Variants in TMEM132B observed in about 807,000 individuals in gnomAD.
The protein encoded by TMEM132B is transmembrane protein 132B.
In TMEM132B, 18 loss-of-function variants were observed where a neutral mutation model predicts 90.8. That is an observed-to-expected ratio of 0.20 (90% CI 0.14 to 0.29). The LOEUF (loss-of-function observed/expected upper bound fraction) is 0.29. Among genes scored for constraint, TMEM132B ranks in the 10% least tolerant of loss-of-function variants. The pLI is 1.00. For missense variants in TMEM132B, 1,096 were observed against 1,326.8 expected, an observed-to-expected ratio of 0.83 and a Z score of 2.70; for synonymous variants, 504 against 523.3, an observed-to-expected ratio of 0.96 and a Z score of 0.50.
At chr12:125,307,742 A>ACAAG (rs1267140716) in intron 1 of TMEM132B, among the ~76,000 whole-genome samples, 1 of 145,964 alleles carries the variant, frequency 6.9e-6, no homozygotes, top group Non-Finnish European at 1.5e-5. Context: ...TACTTGTAAT[A>ACAAG]TAAGTATATA....
intron 1 of TMEM132B, among the ~76,000 whole-genome samples, chr12:125,328,802 C>T (rs903092289): frequency 2.0e-5 from 3 of 152,170 alleles, no homozygotes; most frequent in East Asian, 1.9e-4. Context: ...CCCTCAAGAC[C>T]GCACTGGGGC....
At chr12:125,344,118 G>A (rs989328289) in intron 1 of TMEM132B, among the ~76,000 whole-genome samples, 7 of 152,174 alleles carry the variant, frequency 4.6e-5, no homozygotes, top group Non-Finnish European at 8.8e-5. Flanking sequence ...AGACAGAATG[G>A]ATAGTAAACA....
chr12:125,353,153 A>T (rs1326576895), intron 2 of TMEM132B, among the ~76,000 whole-genome samples: 1 of 152,060 alleles, frequency 6.6e-6, no homozygotes, highest in Non-Finnish European at 1.5e-5. Flanking sequence ...CATGGCAGAC[A>T]TTACCAATCA....
intron 1 of TMEM132B, among the ~76,000 whole-genome samples, chr12:125,237,200 G>A (rs1409480025): frequency 2.6e-5 from 4 of 152,182 alleles, no homozygotes; most frequent in Non-Finnish European, 5.9e-5. Context: ...GGTGTTCCAG[G>A]TAGGAGGTTG....
intron 3 of TMEM132B, among the ~76,000 whole-genome samples, chr12:125,455,240 G>T (rs1881261825): frequency 6.6e-6 from 1 of 151,968 alleles, no homozygotes; most frequent in Non-Finnish European, 1.5e-5. Context: ...GAGAGGAGAG[G>T]GAAGGAGAAG....
intron 4 of TMEM132B, among the ~76,000 whole-genome samples, chr12:125,553,063 T>C (rs966631324): frequency 2.6e-5 from 4 of 152,264 alleles, no homozygotes; most frequent in Non-Finnish European, 5.9e-5. Flanking sequence ...AGGATTTTAC[T>C]AGGACAGTTG....
At chr12:125,290,996 C>G (rs1326458421) in intron 1 of TMEM132B, among the ~76,000 whole-genome samples, 1 of 148,396 alleles carries the variant, frequency 6.7e-6, no homozygotes, top group Non-Finnish European at 1.5e-5. Context: ...AATTGTGTCT[C>G]CATACCACTT....
At chr12:125,651,787 A>G (rs1251775472) in intron 7 of TMEM132B, among the ~76,000 whole-genome samples, 1 of 152,138 alleles carries the variant, frequency 6.6e-6, no homozygotes, top group Non-Finnish European at 1.5e-5. Context: ...TTGGCTTCCA[A>G]GCTCCTTCAG....
chr12:125,353,639 A>G (rs1377081692), intron 2 of TMEM132B, among the ~76,000 whole-genome samples: 1 of 152,202 alleles, frequency 6.6e-6, no homozygotes, highest in Non-Finnish European at 1.5e-5. Context: ...TGAGGCACAG[A>G]GAAGTCAAGT....
intron 2 of TMEM132B, among the ~76,000 whole-genome samples, chr12:125,355,834 A>G (rs1197062428): frequency 6.6e-6 from 1 of 152,194 alleles, no homozygotes. Context: ...TCCACGTGCC[A>G]TGCTGCTATT....
At chr12:125,412,595 C>T (rs905103680) in intron 2 of TMEM132B, among the ~76,000 whole-genome samples, 3 of 152,146 alleles carry the variant, frequency 2.0e-5, no homozygotes, top group African/African-American at 7.2e-5. Context: ...ATTTGTTCAT[C>T]TGGATGTTGA....
At chr12:125,222,551 T>G (rs1250875524) in intron 1 of TMEM132B, among the ~76,000 whole-genome samples, 1 of 152,214 alleles carries the variant, frequency 6.6e-6, no homozygotes, top group African/African-American at 2.4e-5. Context: ...TGGAACTGCT[T>G]CAGGTATTTG....
At chr12:125,312,327 T>C (rs1876143193) in intron 1 of TMEM132B, among the ~76,000 whole-genome samples, 1 of 152,250 alleles carries the variant, frequency 6.6e-6, no homozygotes, top group African/African-American at 2.4e-5. Flanking sequence ...GTCCTTTTGA[T>C]GCATCCCCAT....
intron 5 of TMEM132B, among the ~76,000 whole-genome samples, chr12:125,596,304 C>G (rs931428208): frequency 2.6e-5 from 4 of 152,168 alleles, no homozygotes; most frequent in Admixed American, 1.3e-4. Context: ...AGGGGGTAGA[C>G]GAAGTGGATT....
Position 125,597,803 on chromosome 12 carries a change from C to T in TMEM132B, c.1437+13809C>T, listed in dbSNP as rs1166908780. ...ATGTCACAGTGGCCTCTTCAGATAA[C>T]AGAAATATTTTCTCCATTGCTAAAG... On this transcript the variant is annotated intron_variant, in intron 5 of 8. Coordinates refer to ENST00000682704, the MANE Select transcript of TMEM132B (RefSeq NM_001366854.1). 2.0e-5 allele frequency among the ~76,000 whole-genome samples: 3 copies of T among 152,132 alleles called. No homozygotes were observed. In the East Asian group the frequency reaches 5.8e-4, roughly 29 times the overall value.
At chr12:125,625,993 G>T (rs1351335707) in intron 5 of TMEM132B, among the ~76,000 whole-genome samples, 2 of 151,992 alleles carry the variant, frequency 1.3e-5, no homozygotes, top group East Asian at 3.8e-4. Flanking sequence ...AGTAAAATAT[G>T]GTTGTGCTAT....
At chr12:125,418,363 T>A (rs1880080018) in intron 3 of TMEM132B, among the ~76,000 whole-genome samples, 4 of 152,100 alleles carry the variant, frequency 2.6e-5, no homozygotes. Flanking sequence ...AGAAAAAGTG[T>A]CCTCTTTCTC....
chr12:125,350,317 C>T lies in TMEM132B; in HGVS notation c.933C>T (p.Ser311=), dbSNP rs372928314. 1.7e-5 allele frequency: 28 copies of T among 1,613,156 alleles called. No individual in the cohort carries two copies. The African/African-American group carries it at 1.9e-4, about 11-fold the overall frequency. Residue 311 remains serine, a synonymous_variant, in exon 2 of 9, where the codon AGC becomes AGT. Coordinates refer to ENST00000682704, the MANE Select transcript of TMEM132B (RefSeq NM_001366854.1). ...CCTTTTTGGTCTCTCTGACCAGTAG[C>T]TCTGTGGCAGACCAGTTCACTCTTA... The part of the protein sequence containing the change: ...TATFLVSLTS[S]SVADQFTLRI...
intron 1 of TMEM132B, among the ~76,000 whole-genome samples, chr12:125,214,970 G>A (rs1335761524): frequency 1.3e-5 from 2 of 152,186 alleles, no homozygotes; most frequent in Non-Finnish European, 2.9e-5. Flanking sequence ...CTGTTCTAAT[G>A]AGGAAGCCTC....
Sources: allele counts gnomAD v4.1 joint callset (sites outside exome capture counted in the v4.1 genomes callset), GRCh38; gene constraint gnomAD v4.1.1; transcripts MANE v1.5; gene names NCBI Gene and HGNC (gene_info 2026-07-23, HGNC 2026-07-21).